Variants in DNAAF10 observed in about 807,000 individuals in gnomAD.
DNAAF10 encodes the protein dynein axonemal assembly factor 10, also known as WD repeat domain 92.
DNAAF10 carries 28 observed loss-of-function variants against 43.7 expected under a neutral mutation model. The ratio of observed to expected loss-of-function variants is 0.64; its 90% CI spans 0.48 to 0.88. DNAAF10 has a LOEUF of 0.88. Among genes scored for constraint, DNAAF10 ranks in the 40% least tolerant of loss-of-function variants. The probability of loss-of-function intolerance (pLI) is 0.00; values close to 1 mark genes in which losing one functional copy is unlikely to be tolerated. For synonymous variants in DNAAF10, 156 were observed against 157.3 expected, an observed-to-expected ratio of 0.99 and a Z score of 0.06; for missense variants, 403 against 439.1, an observed-to-expected ratio of 0.92 and a Z score of 0.73.
At chr2:68,143,978 A>G (rs1028814591) in intron 3 of DNAAF10, among the ~76,000 whole-genome samples, 4 of 152,206 alleles carry the variant, frequency 2.6e-5, no homozygotes, top group African/African-American at 9.7e-5. Context: ...TTAAACAACT[A>G]GCCAAATCAA....
At chr2:68,147,992 G>A (rs2103628391) in intron 1 of DNAAF10, among the ~76,000 whole-genome samples, 1 of 152,248 alleles carries the variant, frequency 6.6e-6, no homozygotes, top group South Asian at 2.1e-4. Flanking sequence ...AACTAAAGAT[G>A]TTTATGTCCC....
chr2:68,138,049 C>T (rs1008580470), intron 5 of DNAAF10, among the ~76,000 whole-genome samples: 2 of 151,138 alleles, frequency 1.3e-5, no homozygotes, highest in Admixed American at 6.6e-5. Flanking sequence ...GTGACAGGCG[C>T]CTGTAGTCCC....
In DNAAF10 at chr2:68,147,844, G is replaced by A. The variant is rs542432860; in HGVS notation, c.184-277C>T. On this transcript the variant is annotated intron_variant, in intron 1 of 7. Transcript: ENST00000295121. ...GCTCTACAATCTCTATTGCAAATAT[G>A]AAAGTTTCAGCATTTCATGTGATAT... 9.5e-4 allele frequency among the ~76,000 whole-genome samples: 144 copies of A among 152,244 alleles called. 1 individual carries two copies. Among genetic ancestry groups the A allele is most frequent in the African/African-American group, 3.3e-3 (136 of 41,540 alleles).
At chr2:68,152,491 C>T (rs560426787) in intron 1 of DNAAF10, among the ~76,000 whole-genome samples, 2 of 152,228 alleles carry the variant, frequency 1.3e-5, no homozygotes, top group African/African-American at 4.8e-5. Flanking sequence ...ATTAAGAGGA[C>T]ACTAGTGAAG....
In DNAAF10 at chr2:68,130,175, G is replaced by C. The variant is rs1672900119; in HGVS notation, c.*1063C>G. 1.4e-5 allele frequency: 2 copies of C among 146,010 alleles called. No homozygotes were observed. The highest frequency in any genetic ancestry group is 1.5e-5 in the Non-Finnish European group (1 of 67,000). The allele number at this position is 146,010 out of a possible 1,614,324, so 9.0% of individuals were successfully genotyped here. A position where few individuals can be genotyped will look rare whatever the true frequency, so the allele number is the denominator to read the frequency against. On this transcript the variant is annotated 3_prime_UTR_variant, in exon 8 of 8. Transcript: ENST00000295121. ...AGACGGAGTCTCACTCTGTCGCCAG[G>C]GCTGGAGTGCAGTGGCGCAATCTCA...
chr2:68,150,490 T>G (rs868108476), intron 1 of DNAAF10, among the ~76,000 whole-genome samples: 1 of 152,196 alleles, frequency 6.6e-6, no homozygotes, highest in African/African-American at 2.4e-5. Context: ...ATCAGCACTT[T>G]GGGAGGCTGA....
chr2:68,147,738 T>C (rs1384244015), intron 1 of DNAAF10, among the ~76,000 whole-genome samples, 171 bp from the exon 2 acceptor site: 3 of 152,228 alleles, frequency 2.0e-5, no homozygotes, highest in Non-Finnish European at 2.9e-5. Context: ...CATTTTTCTT[T>C]AAAATATGTA....
chr2:68,138,036 A>C (rs930387783), intron 5 of DNAAF10, among the ~76,000 whole-genome samples: 1 of 140,492 alleles, frequency 7.1e-6, no homozygotes, highest in Non-Finnish European at 1.6e-5. Flanking sequence ...TTAGCCGGGC[A>C]TGGTGACAGG....
At chr2:68,144,521 G>T in intron 3 of DNAAF10, 64 bp downstream of exon 3, 2 of 1,585,002 alleles carry the variant, frequency 1.3e-6, no homozygotes, top group Non-Finnish European at 1.7e-6. Context: ...CAGAGAGGAT[G>T]TACTGCTGCA....
At position 68,141,724 on chromosome 2, in the gene DNAAF10, T is replaced by C. The variant is rs147799650; in HGVS notation, c.487A>G (p.Asn163Asp). The C allele has an allele frequency of 1.9e-6, 3 of 1,614,032 alleles. No homozygotes were observed. Among genetic ancestry groups the C allele is most frequent in the African/African-American group, 2.7e-5 (2 of 74,938 alleles). Reference protein sequence around the residue: ...VANMEPVQGENKRDCWTVAFG... With the variant: ...VANMEPVQGEDKRDCWTVAFG... The stretch of plus-strand genomic sequence containing the variant: ...GCCACAGTCCAACAGTCTCTCTTGT[T>C]TTCTCCTTGTACAGGTTCCATATTA... The change falls in exon 4 of 8, where the codon AAC becomes GAC. Residue 163 changes from asparagine (N) to aspartate (D), a missense_variant. Transcript: ENST00000295121.
rs1240985801 is a variant in DNAAF10, at chr2:68,130,138, T to G, written c.*1100A>C. On this transcript the variant is annotated 3_prime_UTR_variant, in exon 8 of 8. Transcript: ENST00000295121. ...GAGATATATATATATATATTTGTTT[T>G]TTTTTTTTTTGAGACGGAGTCTCAC... 6 of 121,384 alleles carry G rather than the reference T, an allele frequency of 4.9e-5. No homozygotes were observed. In the East Asian group the frequency reaches 1.1e-3, roughly 21 times the overall value. The allele number at this position is 121,384 out of a possible 1,614,324, so 7.5% of individuals were successfully genotyped here.
At chr2:68,139,493 T>C (rs1485692482) in intron 4 of DNAAF10, among the ~76,000 whole-genome samples, 2 of 152,070 alleles carry the variant, frequency 1.3e-5, no homozygotes, top group Admixed American at 6.6e-5. Context: ...GACTAACTAA[T>C]ATAAGCTCAT....
intron 3 of DNAAF10, among the ~76,000 whole-genome samples, chr2:68,142,263 T>G (rs1231399756): frequency 6.6e-6 from 1 of 152,202 alleles, no homozygotes; most frequent in Non-Finnish European, 1.5e-5. Context: ...TTTTCTTTCT[T>G]TCTTTCTTTT....
In DNAAF10 at chr2:68,133,295, T is replaced by G. The variant is rs1010196321; in HGVS notation, c.866+1407A>C. On this transcript the variant is annotated intron_variant, in intron 7 of 7. Coordinates refer to ENST00000295121, the MANE Select transcript of DNAAF10 (RefSeq NM_138458.4). ...TCTCACTCTGTCACCCAGGTTGGAG[T>G]GCAGTGGTGCGATCTCGACTCACTG... Among the ~76,000 whole-genome samples, 74 of 152,176 alleles carry G rather than the reference T, an allele frequency of 4.9e-4. 1 individual carries two copies. In the Middle Eastern group the frequency reaches 0.01, roughly 21 times the overall value.
In DNAAF10 at chr2:68,157,495, C is replaced by A. The variant is rs1191390418; in HGVS notation, c.-52G>T. 3 of 1,613,312 alleles carry A rather than the reference C, an allele frequency of 1.9e-6. No homozygotes were observed. Among genetic ancestry groups the A allele is most frequent in the Non-Finnish European group, 2.5e-6 (3 of 1,179,364 alleles). On this transcript the variant is annotated 5_prime_UTR_variant, in exon 1 of 8. Coordinates refer to ENST00000295121, the MANE Select transcript of DNAAF10 (RefSeq NM_138458.4). The stretch of plus-strand genomic sequence containing the variant: ...CCGCCACACCCAGAGCCCCCAAAAA[C>A]GGCAACCTGGAAACCAGACTCCAAA...
At chr2:68,150,696 G>A (rs1005120758) in intron 1 of DNAAF10, among the ~76,000 whole-genome samples, 37 of 152,164 alleles carry the variant, frequency 2.4e-4, no homozygotes, top group Non-Finnish European at 4.9e-4. Flanking sequence ...TCACACCACC[G>A]CACTCCAGCC....
At chr2:68,132,315 A>T (rs2103879840) in intron 7 of DNAAF10, among the ~76,000 whole-genome samples, 1 of 152,372 alleles carries the variant, frequency 6.6e-6, no homozygotes, top group South Asian at 2.1e-4. Context: ...AGCAGAATGG[A>T]AAGGGAAGAA....
chr2:68,138,882 A>C, intron 4 of DNAAF10, 25 bp from the exon 5 acceptor site: 3 of 1,537,920 alleles, frequency 2.0e-6, no homozygotes, highest in Non-Finnish European at 2.7e-6. Context: ...ACAACATTTC[A>C]CATCCTTATA....
At chr2:68,138,091 C>A (rs555742376) in intron 5 of DNAAF10, among the ~76,000 whole-genome samples, 1 of 151,954 alleles carries the variant, frequency 6.6e-6, no homozygotes, top group South Asian at 2.1e-4. Context: ...AGGAGAATGG[C>A]ATGAACCTGG....
Sources: gnomAD v4.1 joint callset for allele counts (sites outside exome capture counted in the v4.1 genomes callset) on GRCh38, gnomAD v4.1.1 for gene constraint, MANE v1.5 for transcripts, NCBI Gene and HGNC (gene_info 2026-07-23, HGNC 2026-07-21) for gene names.